Variants in DCBLD2 observed in about 807,000 individuals in gnomAD.
DCBLD2 encodes the protein discoidin, CUB and LCCL domain containing 2.
In DCBLD2, 54 loss-of-function variants were observed where a neutral mutation model predicts 86.8. That is an observed-to-expected ratio of 0.62 (90% CI 0.50 to 0.78). The LOEUF is 0.78. Ranked by LOEUF, DCBLD2 falls within the 30% of genes least tolerant of loss-of-function variation. DCBLD2 has a pLI of 0.00. For missense variants in DCBLD2, 908 were observed against 954.2 expected, an observed-to-expected ratio of 0.95 and a Z score of 0.64; for synonymous variants, 354 against 341.3, an observed-to-expected ratio of 1.04 and a Z score of -0.41.
rs1208190434 is a variant in DCBLD2 at position 98,881,577 on chromosome 3, T to C, written c.396A>G (p.Arg132=). ...DSDSCHFNYL[R]IYNGIGVSRT... ...TGCTGACTCCAATTCCATTATAAAT[T>C]CTCAAGTAATTAAAGTGACAAGAAT... The change falls in exon 2 of 16, where the codon AGA becomes AGG. Residue 132 remains arginine (R), a synonymous_variant. Coordinates refer to ENST00000326840, the MANE Select transcript of DCBLD2 (RefSeq NM_080927.4). The C allele has an allele frequency of 6.2e-7, 1 of 1,613,818 alleles. No homozygotes were observed. The highest frequency in any genetic ancestry group is 2.2e-5 in the East Asian group (1 of 44,870).
At chr3:98,879,455 C>T (rs926385265) in intron 2 of DCBLD2, among the ~76,000 whole-genome samples, 2 of 151,972 alleles carry the variant, frequency 1.3e-5, no homozygotes, top group African/African-American at 4.8e-5. Context: ...GGCTCGATCT[C>T]GGCTCACTGC....
At chr3:98,882,177 T>A (rs1943483541) in intron 1 of DCBLD2, among the ~76,000 whole-genome samples, 1 of 152,130 alleles carries the variant, frequency 6.6e-6, no homozygotes, top group Non-Finnish European at 1.5e-5. Context: ...ACAAGTTAGG[T>A]CAAAATAATC....
chr3:98,840,209 A>G (rs182491554), intron 3 of DCBLD2, among the ~76,000 whole-genome samples: 24 of 152,364 alleles, frequency 1.6e-4, no homozygotes, highest in Non-Finnish European at 3.4e-4. Context: ...TAATTGAGGT[A>G]AAAGTTGGAA....
chr3:98,846,987 T>TTA (rs1942738269), intron 3 of DCBLD2, among the ~76,000 whole-genome samples: 1 of 150,924 alleles, frequency 6.6e-6, no homozygotes, highest in African/African-American at 2.4e-5. Context: ...ATTAAGAAAC[T>TTA]TAATGAAAAT....
chr3:98,860,250 G>A (rs1943016231), intron 2 of DCBLD2, among the ~76,000 whole-genome samples: 1 of 152,178 alleles, frequency 6.6e-6, no homozygotes. Flanking sequence ...ACGTCTGATT[G>A]GTGTACCTGA....
intron 1 of DCBLD2, among the ~76,000 whole-genome samples, chr3:98,883,404 AAGG>A (rs1347731426): frequency 6.6e-6 from 1 of 152,212 alleles, no homozygotes; most frequent in East Asian, 1.9e-4. Flanking sequence ...CCTATAGAAT[AAGG>A]AGAAGTAAAA....
At chr3:98,880,135 G>C (rs532240584) in intron 2 of DCBLD2, among the ~76,000 whole-genome samples, 104 of 152,332 alleles carry the variant, frequency 6.8e-4, no homozygotes, top group African/African-American at 2.4e-3. Flanking sequence ...TAATCAAGAA[G>C]TGACTGAGAA....
At chr3:98,886,444 G>A (rs916298635) in intron 1 of DCBLD2, among the ~76,000 whole-genome samples, 2 of 151,856 alleles carry the variant, frequency 1.3e-5, no homozygotes, top group Admixed American at 6.6e-5. Flanking sequence ...AACTACTCTT[G>A]GAAAAAACAA....
In DCBLD2 at chr3:98,822,311, C is replaced by T. The variant is rs370520944; in HGVS notation, c.747G>A (p.Thr249=). The T allele has an allele frequency of 9.5e-5, 154 of 1,613,806 alleles. 1 individual carries two copies. The highest frequency in any genetic ancestry group is 1.2e-4 in the Non-Finnish European group (141 of 1,179,872). Residue 249 remains threonine, a synonymous_variant, in exon 6 of 16, where the codon ACG becomes ACA. Coordinates refer to ENST00000326840, the MANE Select transcript of DCBLD2 (RefSeq NM_080927.4). ...AGVHAGVVSN[T]LGGQISVVIS... is the part of the protein sequence containing the mutation. ...TTACAACACTGATTTGGCCGCCCAA[C>T]GTGTTTGACACTACTCCTGCATGCA...
chr3:98,884,167 A>C (rs1943520797), intron 1 of DCBLD2, among the ~76,000 whole-genome samples: 1 of 152,070 alleles, frequency 6.6e-6, no homozygotes. Flanking sequence ...CTACTTTTAA[A>C]GGTCAGTACT....
chr3:98,848,642 T>C (rs1023546841), intron 3 of DCBLD2, among the ~76,000 whole-genome samples: 4 of 152,180 alleles, frequency 2.6e-5, no homozygotes, highest in Non-Finnish European at 5.9e-5. Context: ...AATAACCTTG[T>C]TTTTAATTTT....
chr3:98,842,352 T>C (rs561376082), intron 3 of DCBLD2, among the ~76,000 whole-genome samples: 9 of 152,164 alleles, frequency 5.9e-5, no homozygotes, highest in Non-Finnish European at 7.3e-5. Context: ...CCTGACAATA[T>C]TATTGTGTGG....
At chr3:98,822,191 A>T in intron 6 of DCBLD2, 37 bp downstream of exon 6, 1 of 1,609,948 alleles carries the variant, frequency 6.2e-7, no homozygotes, top group African/African-American at 1.3e-5. Flanking sequence ...TGCTAATTAT[A>T]TATAGCATAT....
rs142492381 is a variant in DCBLD2 at position 98,894,079 on chromosome 3, A to G, written c.205+7043T>C. Among the ~76,000 whole-genome samples, 663 of 152,266 alleles carry G rather than the reference A, an allele frequency of 4.4e-3. 5 individuals carry two copies. The highest frequency in any genetic ancestry group is 0.014 in the African/African-American group (600 of 41,552). Reference sequence around the variant, plus strand: ...GGGAACTGTCCAAGATCACGGAAAGAGCATTGTTGAGATGATGGATTTGGG... The same window carrying G: ...GGGAACTGTCCAAGATCACGGAAAGGGCATTGTTGAGATGATGGATTTGGG... On this transcript the variant is annotated intron_variant, in intron 1 of 15. Transcript: ENST00000326840.
chr3:98,819,971 A>T (rs1340321583), intron 7 of DCBLD2, among the ~76,000 whole-genome samples: 1 of 152,250 alleles, frequency 6.6e-6, no homozygotes, highest in Non-Finnish European at 1.5e-5. Context: ...GAAGGCACTC[A>T]GTAAGTATTT....
intron 2 of DCBLD2, among the ~76,000 whole-genome samples, chr3:98,878,872 C>T (rs1943414729): frequency 1.3e-5 from 2 of 152,332 alleles, no homozygotes; most frequent in Non-Finnish European, 2.9e-5. Context: ...ACACACCAAA[C>T]ACTGCAAAGT....
intron 3 of DCBLD2, among the ~76,000 whole-genome samples, chr3:98,844,936 T>C (rs1278715531): frequency 6.6e-6 from 1 of 152,232 alleles, no homozygotes; most frequent in Admixed American, 6.5e-5. Context: ...GAATACCTAT[T>C]ATGAGGACTA....
intron 1 of DCBLD2, among the ~76,000 whole-genome samples, chr3:98,882,786 G>A (rs972745640): frequency 2.0e-5 from 3 of 152,174 alleles, no homozygotes; most frequent in South Asian, 4.1e-4. Flanking sequence ...ATTCCATGGT[G>A]TATATGTGCC....
intron 3 of DCBLD2, among the ~76,000 whole-genome samples, chr3:98,835,938 C>CTTTCTTTTTTTTTTT (rs56279917): frequency 8.7e-6 from 1 of 115,072 alleles, no homozygotes; most frequent in Non-Finnish European, 1.8e-5. Context: ...TCCTTTCTTT[C>CTTTCTTTTTTTTTTT]TTTTTTTTTT....
Sources: allele counts gnomAD v4.1 joint callset (sites outside exome capture counted in the v4.1 genomes callset), GRCh38; gene constraint gnomAD v4.1.1; transcripts MANE v1.5; gene names NCBI Gene and HGNC (gene_info 2026-07-23, HGNC 2026-07-21).